The following TMEFF2 variants were observed in gnomAD, a reference collection of about 807,000 sequenced individuals.
The protein encoded by TMEFF2 is tomoregulin-2.
TMEFF2 carries 28 observed loss-of-function variants against 53.8 expected under a neutral mutation model. That is an observed-to-expected ratio of 0.52 (90% CI 0.39 to 0.71). The LOEUF is 0.71. TMEFF2 is among the 30% of genes least tolerant of loss of function. The pLI is 0.00. For missense variants in TMEFF2, 353 were observed against 455.2 expected (o/e 0.78, Z 2.04); for synonymous variants, 162 against 166.3 (o/e 0.97, Z 0.20).
intron 7 of TMEFF2, among the ~76,000 whole-genome samples, chr2:191,971,928 G>GA (rs1692653619): frequency 6.6e-6 from 1 of 152,134 alleles, no homozygotes; most frequent in Non-Finnish European, 1.5e-5. Context: ...GGAAAGGAAG[G>GA]ATGAGAAAGA....
chr2:192,003,934 G>A (rs1352986689), intron 5 of TMEFF2, among the ~76,000 whole-genome samples: 1 of 150,350 alleles, frequency 6.7e-6, no homozygotes, highest in Non-Finnish European at 1.5e-5. Context: ...TGTGTGGGGG[G>A]GGGGCTCACA....
chr2:192,149,081 C>G (rs774389149), intron 4 of TMEFF2, among the ~76,000 whole-genome samples: 14 of 151,916 alleles, frequency 9.2e-5, no homozygotes, highest in Non-Finnish European at 1.9e-4. Context: ...CTACCAATCA[C>G]TTAGTGACTA....
intron 4 of TMEFF2, among the ~76,000 whole-genome samples, chr2:192,167,631 T>C (rs1223495479): frequency 6.6e-6 from 1 of 152,160 alleles, no homozygotes. Flanking sequence ...TTTTATCCTC[T>C]ACACTTACAT....
At chr2:192,113,318 T>C (rs1005933846) in intron 4 of TMEFF2, among the ~76,000 whole-genome samples, 2 of 152,180 alleles carry the variant, frequency 1.3e-5, no homozygotes, top group Non-Finnish European at 2.9e-5. Flanking sequence ...AGTCTGCATA[T>C]TGATATTTTT....
chr2:192,119,384 G>C (rs1689493553), intron 4 of TMEFF2, among the ~76,000 whole-genome samples: 1 of 152,050 alleles, frequency 6.6e-6, no homozygotes, highest in Admixed American at 6.6e-5. Flanking sequence ...TTACATCTTT[G>C]AATATGTTTT....
chr2:192,045,764 G>A (rs1227446369), intron 5 of TMEFF2, among the ~76,000 whole-genome samples: 1 of 152,144 alleles, frequency 6.6e-6, no homozygotes, highest in East Asian at 1.9e-4. Flanking sequence ...TCCTCATGGT[G>A]GCCAGCCAGC....
intron 7 of TMEFF2, among the ~76,000 whole-genome samples, chr2:191,962,150 T>G (rs1692292030): frequency 6.6e-6 from 1 of 152,202 alleles, no homozygotes; most frequent in South Asian, 2.1e-4. Flanking sequence ...TGCTACAAAT[T>G]TAACATTTCT....
In TMEFF2 at chr2:191,988,652, T is replaced by G. The variant is rs915315637; in HGVS notation, c.745+9610A>C. ...CTCCATTTTATGAATACTTAAAAAC[T>G]ATTTTTTTTTTTAGCTAAACAGACA... On this transcript the variant is annotated intron_variant, in intron 7 of 9. Coordinates refer to ENST00000272771, the MANE Select transcript of TMEFF2 (RefSeq NM_016192.4). Among the ~76,000 whole-genome samples, 10 of 142,336 alleles carry G rather than the reference T, an allele frequency of 7.0e-5. No homozygotes were observed. In the East Asian group the frequency reaches 1.4e-3, roughly 19 times the overall value. 93.4% of individuals were successfully genotyped at this position (142,336 alleles called of 152,430 possible). A position where few individuals can be genotyped will look rare whatever the true frequency, so the allele number is the denominator to read the frequency against.
intron 5 of TMEFF2, among the ~76,000 whole-genome samples, chr2:192,022,996 A>AT (rs532561684): frequency 2.6e-4 from 39 of 151,984 alleles, no homozygotes; most frequent in African/African-American, 8.7e-4. Context: ...GACATTGAAG[A>AT]TTTTTTTATC....
chr2:192,006,135 C>T (rs1466701084), intron 5 of TMEFF2, among the ~76,000 whole-genome samples: 6 of 150,892 alleles, frequency 4.0e-5, no homozygotes, highest in African/African-American at 1.5e-4. Flanking sequence ...TAATGCCCTT[C>T]TCCAGAAACA....
At chr2:192,069,978 G>GTA (rs1688249852) in intron 4 of TMEFF2, among the ~76,000 whole-genome samples, 2 of 10,268 alleles carry the variant, frequency 1.9e-4, no homozygotes, top group Non-Finnish European at 3.8e-4. Flanking sequence ...GTGTGTGTGT[G>GTA]TGTGTGTGTG....
At chr2:192,155,459 CTG>C (rs1008573576) in intron 4 of TMEFF2, among the ~76,000 whole-genome samples, 13 of 152,028 alleles carry the variant, frequency 8.6e-5, no homozygotes, top group Admixed American at 7.9e-4. Flanking sequence ...ATTACTAAAA[CTG>C]AGACTGAGGG....
chr2:192,174,836 G>A (rs555810155), intron 4 of TMEFF2, among the ~76,000 whole-genome samples: 19 of 151,770 alleles, frequency 1.3e-4, no homozygotes, highest in Admixed American at 8.6e-4. Context: ...CCATGATGAG[G>A]TATGTTGTGT....
chr2:192,126,841 A>AAAACAAAC (rs150067959), intron 4 of TMEFF2, among the ~76,000 whole-genome samples: 4 of 151,780 alleles, frequency 2.6e-5, no homozygotes, highest in East Asian at 1.9e-4. Context: ...AAAACAAAAC[A>AAAACAAAC]AAACAAACAA....
chr2:192,020,552 T>C (rs1686837210), intron 5 of TMEFF2, among the ~76,000 whole-genome samples: 1 of 152,088 alleles, frequency 6.6e-6, no homozygotes, highest in Non-Finnish European at 1.5e-5. Flanking sequence ...AGTATGATGA[T>C]TATATCTTAT....
intron 4 of TMEFF2, among the ~76,000 whole-genome samples, chr2:192,162,286 G>T (rs939426954): frequency 1.3e-5 from 2 of 152,166 alleles, no homozygotes; most frequent in African/African-American, 4.8e-5. Context: ...AAAATCAGGG[G>T]TGAGTGTGCT....
At chr2:192,086,408 G>T (rs1688670708) in intron 4 of TMEFF2, among the ~76,000 whole-genome samples, 2 of 152,156 alleles carry the variant, frequency 1.3e-5, no homozygotes, top group South Asian at 2.1e-4. Flanking sequence ...TTGAGTCAAG[G>T]TTTATGTAGA....
chr2:192,185,446 T>C (rs1343022122), intron 2 of TMEFF2, among the ~76,000 whole-genome samples: 1 of 152,088 alleles, frequency 6.6e-6, no homozygotes, highest in Non-Finnish European at 1.5e-5. Flanking sequence ...TGCCAGAAAC[T>C]AAGTAAGGAA....
At chr2:192,185,363 A>C (rs1384054426) in intron 2 of TMEFF2, among the ~76,000 whole-genome samples, 3 of 152,056 alleles carry the variant, frequency 2.0e-5, no homozygotes, top group Admixed American at 6.6e-5. Context: ...CATGATTACT[A>C]CTACTTATGT....
Sources: gnomAD v4.1 joint callset for allele counts (sites outside exome capture counted in the v4.1 genomes callset) on GRCh38, gnomAD v4.1.1 for gene constraint, MANE v1.5 for transcripts, NCBI Gene and HGNC (gene_info 2026-07-23, HGNC 2026-07-21) for gene names.